SLC23A2: variants seen among roughly 807,000 people sequenced by gnomAD.
The protein encoded by SLC23A2 is Na(+)/L-ascorbic acid transporter 2.
SLC23A2 carries 36 observed loss-of-function variants against 73.3 expected under a neutral mutation model. The observed-to-expected ratio is 0.49, with a 90% confidence interval of 0.38 to 0.65. The LOEUF is 0.65. SLC23A2 is among the 30% of genes least tolerant of loss of function. The probability of loss-of-function intolerance (pLI) is 0.00; values close to 1 mark genes in which losing one functional copy is unlikely to be tolerated. For missense variants in SLC23A2, 507 were observed against 841.6 expected, an observed-to-expected ratio of 0.60 and a Z score of 4.92; for synonymous variants, 343 against 327.3, an observed-to-expected ratio of 1.05 and a Z score of -0.52.
chr20:5,000,533 T>A lies in SLC23A2; in HGVS notation c.-282+873A>T, dbSNP rs563838549. 3.3e-5 allele frequency among the ~76,000 whole-genome samples: 5 copies of A among 152,238 alleles called. No homozygotes were observed. In the East Asian group the frequency reaches 9.7e-4, roughly 29 times the overall value. On this transcript the variant is annotated intron_variant, in intron 1 of 16. Coordinates refer to ENST00000338244, the MANE Select transcript of SLC23A2 (RefSeq NM_005116.6). ...CGCCCGTCTCCCAGCACTGCAAGAA[T>A]AGAAGTAGCACCTACTACAAACGCT...
At chr20:4,914,271 G>C (rs185291679) in intron 3 of SLC23A2, among the ~76,000 whole-genome samples, 1 of 151,760 alleles carries the variant, frequency 6.6e-6, no homozygotes, top group Admixed American at 6.6e-5. Context: ...TAAGGAAAAA[G>C]GATGGAAAGG....
chr20:4,997,780 C>A (rs149218752), intron 1 of SLC23A2, among the ~76,000 whole-genome samples: 2 of 149,854 alleles, frequency 1.3e-5, no homozygotes, highest in African/African-American at 4.9e-5. Flanking sequence ...ACTACTACCA[C>A]GTCCAGCGAA....
rs200443128 is a variant in SLC23A2 at position 4,899,527 on chromosome 20, G to A, written c.482+28C>T. The A allele has an allele frequency of 1.0e-5, 16 of 1,607,836 alleles. No individual in the cohort carries two copies. Among genetic ancestry groups the A allele is most frequent in the Non-Finnish European group, 1.3e-5 (15 of 1,174,974 alleles). On this transcript the variant is annotated intron_variant, in intron 6 of 16. Transcript: ENST00000338244. The surrounding 1 kb of genome is among the most constrained non-coding windows in gnomAD (Gnocchi z 4.9). Reference sequence around the variant, plus strand: ...CGCTCAATGCCTTCTGGGGGCTTTGGCATCCCCCATTAGTACCCCAATCTC... The same window carrying A: ...CGCTCAATGCCTTCTGGGGGCTTTGACATCCCCCATTAGTACCCCAATCTC...
intron 3 of SLC23A2, among the ~76,000 whole-genome samples, chr20:4,924,830 T>C (rs753286022): frequency 6.6e-6 from 1 of 151,902 alleles, no homozygotes; most frequent in Non-Finnish European, 1.5e-5. Context: ...TGTTTGTCAA[T>C]ATCTAACATC....
intron 2 of SLC23A2, among the ~76,000 whole-genome samples, chr20:4,946,428 G>A (rs934505456): frequency 1.3e-5 from 2 of 152,212 alleles, no homozygotes; most frequent in Non-Finnish European, 2.9e-5. Flanking sequence ...CGATGCCACT[G>A]GATAAACGTG....
At chr20:4,997,187 C>A (rs775402181) in intron 1 of SLC23A2, among the ~76,000 whole-genome samples, 2 of 152,122 alleles carry the variant, frequency 1.3e-5, no homozygotes, top group Admixed American at 6.6e-5. Flanking sequence ...CACACAGCAA[C>A]GCCTAGAGTG....
At chr20:4,938,258 A>G (rs894031501) in intron 2 of SLC23A2, among the ~76,000 whole-genome samples, 2 of 151,316 alleles carry the variant, frequency 1.3e-5, no homozygotes, top group African/African-American at 2.4e-5. Flanking sequence ...AGCTCAAGCA[A>G]TCTCCTGCCT....
chr20:4,890,302 G>A (rs1374081847), intron 6 of SLC23A2, among the ~76,000 whole-genome samples: 1 of 152,146 alleles, frequency 6.6e-6, no homozygotes, highest in Non-Finnish European at 1.5e-5. Flanking sequence ...TTGGCTTTGA[G>A]GAGCCATAGG....
chr20:4,988,207 C>A (rs540482181), intron 1 of SLC23A2, among the ~76,000 whole-genome samples: 1 of 151,968 alleles, frequency 6.6e-6, no homozygotes, highest in Admixed American at 6.6e-5. Flanking sequence ...GAGGCTGAGG[C>A]AGGAGAATTG....
At position 4,868,193 on chromosome 20, in the gene SLC23A2, C is replaced by A. The variant is rs966078872; in HGVS notation, c.1251-318G>T. 1.3e-5 allele frequency among the ~76,000 whole-genome samples: 2 copies of A among 151,318 alleles called. No individual in the cohort carries two copies. The highest frequency in any genetic ancestry group is 2.9e-5 in the Non-Finnish European group (2 of 67,966). On this transcript the variant is annotated intron_variant, in intron 12 of 16. Coordinates refer to ENST00000338244, the MANE Select transcript of SLC23A2 (RefSeq NM_005116.6). The surrounding 1 kb of genome is among the most constrained non-coding windows in gnomAD (Gnocchi z 4.4). ...CTCCTGGGTTCAAGAGATTCTCCTG[C>A]CTCCCGAGTAGCTGGGATTACAGGT...
Position 4,886,978 on chromosome 20 carries a change from G to A in SLC23A2, c.483-1069C>T, listed in dbSNP as rs900728505. On this transcript the variant is annotated intron_variant, in intron 6 of 16. Coordinates refer to ENST00000338244, the MANE Select transcript of SLC23A2 (RefSeq NM_005116.6). Reference sequence around the variant, plus strand: ...CTCTAGCTAAAGGACAAGCAGTCTCGTTGCAAGTCCAGAGCCCAGCACACA... The same window carrying A: ...CTCTAGCTAAAGGACAAGCAGTCTCATTGCAAGTCCAGAGCCCAGCACACA... Among the ~76,000 whole-genome samples, 4 of 152,194 alleles carry A rather than the reference G, an allele frequency of 2.6e-5. No homozygotes were observed. In the South Asian group the frequency reaches 8.3e-4, roughly 31 times the overall value.
intron 4 of SLC23A2, among the ~76,000 whole-genome samples, chr20:4,903,111 C>T (rs115491027): frequency 0.016 from 2,399 of 152,134 alleles, 51 homozygotes; most frequent in African/African-American, 0.055. Flanking sequence ...TATATAAACA[C>T]GGTGATTTGA....
chr20:4,894,196 A>T (rs1233028555), intron 6 of SLC23A2, among the ~76,000 whole-genome samples: 1 of 152,112 alleles, frequency 6.6e-6, no homozygotes, highest in African/African-American at 2.4e-5. Context: ...CCTTGACACA[A>T]AGCTCAGGGG....
chr20:4,966,693 G>T (rs1859077463), intron 2 of SLC23A2, among the ~76,000 whole-genome samples: 1 of 151,724 alleles, frequency 6.6e-6, no homozygotes, highest in Non-Finnish European at 1.5e-5. Context: ...AATGGTATTA[G>T]GCACTGCTAG....
chr20:4,905,469 A>G (rs1931910352), intron 4 of SLC23A2, among the ~76,000 whole-genome samples: 1 of 152,192 alleles, frequency 6.6e-6, no homozygotes, highest in Admixed American at 6.5e-5. Context: ...AACCTCTAAT[A>G]AGGTTTCTGT....
chr20:4,862,984 A>G lies in SLC23A2; in HGVS notation c.1357-77T>C. 1 of 1,465,346 alleles carries G rather than the reference A, an allele frequency of 6.8e-7. No individual in the cohort carries two copies. The allele number at this position is 1,465,346 out of a possible 1,614,324, so 90.8% of individuals were successfully genotyped here. On this transcript the variant is annotated intron_variant, in intron 13 of 16. Transcript: ENST00000338244. The surrounding 1 kb of genome is among the most constrained non-coding windows in gnomAD (Gnocchi z 5.1). ...CACCGTAAGTTACTAAAGAACACAC[A>G]GCAGAGATACCCATGGCCTGGCTCG...
At chr20:4,875,611 C>CT (rs1325397720) in intron 9 of SLC23A2, among the ~76,000 whole-genome samples, 1 of 152,182 alleles carries the variant, frequency 6.6e-6, no homozygotes, top group Non-Finnish European at 1.5e-5. Flanking sequence ...GAGGCAGGTG[C>CT]TGACCCCTCC....
rs973439116 is a variant in SLC23A2 at position 4,901,840 on chromosome 20, C to G, written c.324+602G>C. On this transcript the variant is annotated intron_variant, in intron 5 of 16. Coordinates refer to ENST00000338244, the MANE Select transcript of SLC23A2 (RefSeq NM_005116.6). ...AGATGAAAATTAATTTCTCTTTTCT[C>G]TATTCTTCAACTTTTCTCCTTTCTC... Among the ~76,000 whole-genome samples the G allele has an allele frequency of 2.0e-5, 3 of 152,164 alleles. No homozygotes were observed. The East Asian group carries it at 5.8e-4, about 29-fold the overall frequency.
chr20:4,922,559 G>A (rs1431332964), intron 3 of SLC23A2, among the ~76,000 whole-genome samples: 1 of 152,182 alleles, frequency 6.6e-6, no homozygotes, highest in Non-Finnish European at 1.5e-5. Context: ...CGGGCACAGT[G>A]GCTCACGCCT....
Sources: gnomAD v4.1 joint callset for allele counts (sites outside exome capture counted in the v4.1 genomes callset) on GRCh38, gnomAD v4.1.1 for gene constraint, Gnocchi (gnomAD v3.1) non-coding constraint, MANE v1.5 for transcripts, NCBI Gene and HGNC (gene_info 2026-07-23, HGNC 2026-07-21) for gene names.